The following ATP2C2 variants were observed in gnomAD, a reference collection of about 807,000 sequenced individuals.
ATP2C2 encodes the protein ATPase secretory pathway Ca2+ transporting 2.
In ATP2C2, 171 loss-of-function variants were observed where a neutral mutation model predicts 110.8. That is an observed-to-expected ratio of 1.54 (90% CI 1.36 to 1.75). ATP2C2 has a LOEUF of 1.75. Ranked by LOEUF, ATP2C2 falls within the 40% of genes most tolerant of loss-of-function variation. ATP2C2 has a pLI of 0.00. For missense variants in ATP2C2, 1,963 were observed against 1,235.0 expected (o/e 1.59, Z -8.84); for synonymous variants, 804 against 508.4 (o/e 1.58, Z -7.82).
chr16:84,450,785 A>G (rs1297839636), intron 17 of ATP2C2, among the ~76,000 whole-genome samples: 4 of 152,108 alleles, frequency 2.6e-5, no homozygotes, highest in Non-Finnish European at 5.9e-5. Context: ...GCTCACAGCA[A>G]GAGTCCCCTC....
intron 2 of ATP2C2, among the ~76,000 whole-genome samples, chr16:84,403,821 G>C (rs899112432): frequency 3.4e-4 from 52 of 152,128 alleles, no homozygotes; most frequent in African/African-American, 1.2e-3. Context: ...CTCCTGAGTG[G>C]CTGGGATTAC....
chr16:84,438,819 G>C lies in ATP2C2; in HGVS notation c.987-347G>C, dbSNP rs144695855. ...AATCCCACTTACTGTCTGATTTTGG[G>C]AATTCCTTTTATGGAACCCAAAGCC... On this transcript the variant is annotated intron_variant, in intron 11 of 26. Coordinates refer to ENST00000262429, the MANE Select transcript of ATP2C2 (RefSeq NM_014861.4). Among the ~76,000 whole-genome samples the C allele has an allele frequency of 5.5e-3, 838 of 152,278 alleles. 29 individuals are homozygous for C. The highest frequency in any genetic ancestry group is 0.043 in the Admixed American group (661 of 15,290).
At chr16:84,394,878 A>G (rs1904877666) in intron 1 of ATP2C2, among the ~76,000 whole-genome samples, 1 of 152,106 alleles carries the variant, frequency 6.6e-6, no homozygotes, top group African/African-American at 2.4e-5. Flanking sequence ...ATTTCTGTAA[A>G]GATGCCCTCC....
At chr16:84,394,461 C>T (rs1255318535) in intron 1 of ATP2C2, among the ~76,000 whole-genome samples, 2 of 152,090 alleles carry the variant, frequency 1.3e-5, no homozygotes, top group Non-Finnish European at 2.9e-5. Flanking sequence ...CCTTTTGTGT[C>T]TGGCTTCTTC....
intron 11 of ATP2C2, among the ~76,000 whole-genome samples, chr16:84,436,879 C>G (rs1345877718): frequency 1.3e-5 from 2 of 151,994 alleles, no homozygotes; most frequent in African/African-American, 4.8e-5. Flanking sequence ...TCTCCTGCCT[C>G]AGCCTCCCGA....
intron 15 of ATP2C2, 78 bp downstream of exon 15, chr16:84,442,677 C>A: frequency 7.2e-7 from 1 of 1,396,442 alleles, no homozygotes; most frequent in Non-Finnish European, 1.0e-6. Context: ...CAGCTCCTGT[C>A]TGAGCTAACA....
intron 11 of ATP2C2, among the ~76,000 whole-genome samples, chr16:84,431,889 G>A (rs544520049): frequency 1.3e-5 from 2 of 152,258 alleles, no homozygotes; most frequent in South Asian, 2.1e-4. Flanking sequence ...GCTTATTACA[G>A]AAGCGGGGGC....
chr16:84,402,398 C>T (rs904872146), intron 2 of ATP2C2, among the ~76,000 whole-genome samples: 3 of 152,182 alleles, frequency 2.0e-5, no homozygotes, highest in African/African-American at 7.2e-5. Flanking sequence ...ACGGGAAAAG[C>T]TTTCAGTTTT....
At position 84,394,481 on chromosome 16, in the gene ATP2C2, T is replaced by A. The variant is rs377400805; in HGVS notation, c.100-4018T>A. On this transcript the variant is annotated intron_variant, in intron 1 of 26. Coordinates refer to ENST00000262429, the MANE Select transcript of ATP2C2 (RefSeq NM_014861.4). ...TGTGTCTGGCTTCTTCCGCTTAGTG[T>A]GATGTCTTCCAGGTTCATCTGTGTT... 2.2e-4 allele frequency among the ~76,000 whole-genome samples: 34 copies of A among 152,268 alleles called. No individual in the cohort carries two copies. In the South Asian group the frequency reaches 6.8e-3, roughly 31 times the overall value.
chr16:84,436,021 C>G (rs978339968), intron 11 of ATP2C2, among the ~76,000 whole-genome samples: 3 of 150,728 alleles, frequency 2.0e-5, no homozygotes, highest in African/African-American at 7.3e-5. Flanking sequence ...TCCAGCTACG[C>G]GGGAGGCTGA....
chr16:84,437,761 C>G (rs558649882), intron 11 of ATP2C2, among the ~76,000 whole-genome samples: 1 of 152,282 alleles, frequency 6.6e-6, no homozygotes, highest in East Asian at 1.9e-4. Context: ...GGTGATCTGC[C>G]CACCTGGGCC....
At chr16:84,437,868 C>G (rs1289937865) in intron 11 of ATP2C2, among the ~76,000 whole-genome samples, 1 of 152,230 alleles carries the variant, frequency 6.6e-6, no homozygotes, top group East Asian at 1.9e-4. Context: ...TTAGCTATCA[C>G]TCTACATTCC....
chr16:84,387,491 G>A (rs1477056749), intron 1 of ATP2C2, among the ~76,000 whole-genome samples: 7 of 152,218 alleles, frequency 4.6e-5, no homozygotes, highest in African/African-American at 9.6e-5. Context: ...CAGCCTGGGC[G>A]ACAGAGTGAG....
intron 1 of ATP2C2, among the ~76,000 whole-genome samples, chr16:84,387,871 G>C (rs2151405474): frequency 1.3e-5 from 2 of 152,130 alleles, no homozygotes; most frequent in Middle Eastern, 3.4e-3. Context: ...AGGATTGCTT[G>C]AGCCCAGGAG....
intron 2 of ATP2C2, among the ~76,000 whole-genome samples, chr16:84,400,994 A>C (rs1315120522): frequency 6.6e-6 from 1 of 152,112 alleles, no homozygotes; most frequent in African/African-American, 2.4e-5. Context: ...GTAGTTTGCA[A>C]ATATTTTCTT....
At chr16:84,422,893 G>A (rs1907480308) in intron 9 of ATP2C2, among the ~76,000 whole-genome samples, 196 bp downstream of exon 9, 1 of 151,870 alleles carries the variant, frequency 6.6e-6, no homozygotes, top group Admixed American at 6.6e-5. Context: ...TCAAACTCCT[G>A]AGCTCAAGCA....
At chr16:84,439,012 G>T in intron 11 of ATP2C2, 154 bp from the exon 12 acceptor site, 1 of 1,133,730 alleles carries the variant, frequency 8.8e-7, no homozygotes, top group Non-Finnish European at 1.2e-6. Context: ...GCAGAAGGAG[G>T]CAGGTGCACC....
At chr16:84,426,140 G>A in intron 11 of ATP2C2, 2 of 236,842 alleles carry the variant, frequency 8.4e-6, no homozygotes, top group Non-Finnish European at 1.7e-5. Flanking sequence ...AGGAAGCATG[G>A]TGTCTGCTCA....
At position 84,459,476 on chromosome 16, in the gene ATP2C2, G is replaced by T. The variant is rs750091438; in HGVS notation, c.2333+90G>T. On this transcript the variant is annotated intron_variant, in intron 23 of 26. Transcript: ENST00000262429. Reference sequence around the variant, plus strand: ...TGCTGGCTGTGCCCCAAGGCTATAGGGATGAACAAATACAGCCACTTTCCA... The same window carrying T: ...TGCTGGCTGTGCCCCAAGGCTATAGTGATGAACAAATACAGCCACTTTCCA... 3.6e-3 allele frequency: 5,740 copies of T among 1,598,404 alleles called. 22 individuals carry two copies. Among genetic ancestry groups the T allele is most frequent in the Non-Finnish European group, 4.4e-3 (5,167 of 1,171,750 alleles).
Sources: gnomAD v4.1 joint callset for allele counts (sites outside exome capture counted in the v4.1 genomes callset) on GRCh38, gnomAD v4.1.1 for gene constraint, MANE v1.5 for transcripts, NCBI Gene and HGNC (gene_info 2026-07-23, HGNC 2026-07-21) for gene names.